The following PCDHGB2 variants were observed in gnomAD, a reference collection of about 807,000 sequenced individuals.
PCDHGB2 encodes protocadherin gamma subfamily B, 2, also known as protocadherin gamma-B2.
Under a neutral mutation model 59.3 loss-of-function variants are expected in PCDHGB2, and 55 were observed. The observed-to-expected ratio is 0.93, with a 90% confidence interval of 0.75 to 1.16. The LOEUF (loss-of-function observed/expected upper bound fraction) is 1.16, where lower values mean the gene tolerates loss of function less well. PCDHGB2 is among the 50% of genes most tolerant of loss of function. The probability of loss-of-function intolerance (pLI) is 0.00; values close to 1 mark genes in which losing one functional copy is unlikely to be tolerated. For synonymous variants in PCDHGB2, 516 were observed against 512.0 expected (o/e 1.01, Z -0.11); for missense variants, 1,228 against 1,198.5 (o/e 1.02, Z -0.36).
intron 1 of PCDHGB2, among the ~76,000 whole-genome samples, chr5:141,452,137 G>A (rs2154563838): frequency 6.6e-6 from 1 of 152,162 alleles, no homozygotes; most frequent in East Asian, 1.9e-4. Flanking sequence ...TGGCTCATGT[G>A]TTTTTTCCAA....
chr5:141,494,899 C>T, intron 2 of PCDHGB2, 34 bp downstream of exon 2: 1 of 1,614,116 alleles, frequency 6.2e-7, no homozygotes, highest in Non-Finnish European at 8.5e-7. Context: ...ACCCTCTTCT[C>T]TGCGGCATTT....
rs1287277950 is a variant in PCDHGB2 at position 141,384,488 on chromosome 5, T to C, written c.2421+21932T>C. The C allele has an allele frequency of 2.5e-6, 4 of 1,614,104 alleles. No individual in the cohort carries two copies. In the East Asian group the frequency reaches 8.9e-5, roughly 36 times the overall value. The stretch of plus-strand genomic sequence containing the variant: ...TATGAGCAGTTGAGAGAACTACAAC[T>C]AAGAGTGACTGCACATGACAGCGGG... On this transcript the variant is annotated intron_variant, in intron 1 of 3. Transcript: ENST00000522605.
Position 141,360,342 on chromosome 5 carries a change from C to A in PCDHGB2, c.207C>A (p.Ser69Arg). 1 of 1,613,836 alleles carries A rather than the reference C, an allele frequency of 6.2e-7. No individual in the cohort carries two copies. The change falls in exon 1 of 4, where the codon AGC (serine) becomes AGA (arginine). Residue 69 changes from serine (S) to arginine (R), a missense_variant. Around this residue, in one of 3 missense-constraint regions of PCDHGB2, gnomAD observed 781 missense variants for 721.6 expected, o/e 1.08. Coordinates refer to ENST00000522605, the MANE Select transcript of PCDHGB2 (RefSeq NM_018923.3). ...RDLPARKLRV[S>R]AEKEYFTVNP... ...TGCCAGCCCGGAAGCTGCGGGTTAG[C>A]GCGGAGAAGGAATATTTCACAGTAA...
chr5:141,492,720 A>G (rs1161942205), intron 1 of PCDHGB2, among the ~76,000 whole-genome samples: 1 of 152,256 alleles, frequency 6.6e-6, no homozygotes, highest in East Asian at 1.9e-4. Context: ...GCAGGCGGAC[A>G]GGCAGAGCTG....
intron 1 of PCDHGB2, chr5:141,389,259 G>C (rs374136353): frequency 6.2e-7 from 1 of 1,613,888 alleles, no homozygotes; most frequent in Non-Finnish European, 8.5e-7. Flanking sequence ...TATAGTCCAC[G>C]TGGCCGAGAA....
chr5:141,504,209 C>T (rs1305672612), intron 2 of PCDHGB2, among the ~76,000 whole-genome samples: 1 of 152,180 alleles, frequency 6.6e-6, no homozygotes, highest in Non-Finnish European at 1.5e-5. Flanking sequence ...TGGGAAAATT[C>T]CAAGTAGAGC....
At position 141,365,079 on chromosome 5, in the gene PCDHGB2, G is replaced by A. The variant is rs748153099; in HGVS notation, c.2421+2523G>A. 1.9e-5 allele frequency: 31 copies of A among 1,613,864 alleles called. No homozygotes were observed. The South Asian group carries it at 3.4e-4, about 18-fold the overall frequency. On this transcript the variant is annotated intron_variant, in intron 1 of 3. Coordinates refer to ENST00000522605, the MANE Select transcript of PCDHGB2 (RefSeq NM_018923.3). ...TTCACCCCATCCGAGTACAGCGTGAGTGTTCCAGAGAACATACCTGTGGGC... is the reference window on the plus strand; with the variant it reads ...TTCACCCCATCCGAGTACAGCGTGAATGTTCCAGAGAACATACCTGTGGGC...
chr5:141,446,988 C>T (rs548721486), intron 1 of PCDHGB2, among the ~76,000 whole-genome samples: 1 of 152,154 alleles, frequency 6.6e-6, no homozygotes, highest in Non-Finnish European at 1.5e-5. Flanking sequence ...TCATACTCCA[C>T]TCTTCAGACT....
At chr5:141,374,010 T>A in intron 1 of PCDHGB2, 1 of 1,364,772 alleles carries the variant, frequency 7.3e-7, no homozygotes, top group Non-Finnish European at 9.6e-7. Flanking sequence ...CACCGCTATT[T>A]CTGAGAAGAG....
chr5:141,404,973 A>T, intron 1 of PCDHGB2: 1 of 1,613,952 alleles, frequency 6.2e-7, no homozygotes, highest in South Asian at 1.1e-5. Flanking sequence ...ATCCTGGCTG[A>T]CCTGGGCAGT....
At chr5:141,414,733 G>A (rs768741206) in intron 1 of PCDHGB2, 2 of 1,614,174 alleles carry the variant, frequency 1.2e-6, no homozygotes. Flanking sequence ...CGTCCTGTAT[G>A]CACTCAGATC....
rs376494807 is a variant in PCDHGB2 at position 141,491,836 on chromosome 5, G to A, written c.2422-2971G>A. 4.2e-5 allele frequency: 62 copies of A among 1,472,880 alleles called. No homozygotes were observed. The highest frequency in any genetic ancestry group is 3.6e-4 in the Middle Eastern group (2 of 5,606). 91.2% of individuals were successfully genotyped at this position (1,472,880 alleles called of 1,614,324 possible). A position where few individuals can be genotyped will look rare whatever the true frequency, so the allele number is the denominator to read the frequency against. On this transcript the variant is annotated intron_variant, in intron 1 of 3. Coordinates refer to ENST00000522605, the MANE Select transcript of PCDHGB2 (RefSeq NM_018923.3). This position sits in a 1 kb window ranked among gnomAD's most constrained non-coding sequence, Gnocchi z 6.9. ...CTGGCTGCGCTCCACCCGATTCTCG[G>A]GATCATTGGACCGTTTGCGCGAAAC...
At chr5:141,433,253 G>C (rs1288721469) in intron 1 of PCDHGB2, 1 of 1,416,466 alleles carries the variant, frequency 7.1e-7, no homozygotes, top group East Asian at 2.3e-5. Flanking sequence ...GAATGCAGCG[G>C]TACGATCATA....
At position 141,407,205 on chromosome 5, in the gene PCDHGB2, C is replaced by T. The variant is rs146299905; in HGVS notation, c.2421+44649C>T. 1.4e-3 allele frequency among the ~76,000 whole-genome samples: 213 copies of T among 152,308 alleles called. 1 individual carries two copies. Among genetic ancestry groups the T allele is most frequent in the African/African-American group, 4.8e-3 (199 of 41,572 alleles). On this transcript the variant is annotated intron_variant, in intron 1 of 3. Coordinates refer to ENST00000522605, the MANE Select transcript of PCDHGB2 (RefSeq NM_018923.3). ...ATTTTAATTATTTCAAACACGTTTTCCCCCTTAAGTGGGTAGCAAAAAAAA... is the reference window on the plus strand; with the variant it reads ...ATTTTAATTATTTCAAACACGTTTTTCCCCTTAAGTGGGTAGCAAAAAAAA...
intron 1 of PCDHGB2, among the ~76,000 whole-genome samples, chr5:141,462,086 A>C (rs993185274): frequency 6.6e-6 from 1 of 151,410 alleles, no homozygotes; most frequent in Non-Finnish European, 1.5e-5. Flanking sequence ...GCCTCCCAAA[A>C]TGCTGGGATT....
At chr5:141,366,940 C>G in intron 1 of PCDHGB2, 1 of 819,904 alleles carries the variant, frequency 1.2e-6, no homozygotes, top group East Asian at 2.8e-5. Context: ...GGAAGTCTAG[C>G]TGATATCTGT....
At chr5:141,393,028 C>T in intron 1 of PCDHGB2, 6 of 1,613,768 alleles carry the variant, frequency 3.7e-6, no homozygotes, top group Non-Finnish European at 5.1e-6. Context: ...AGAGGTAGGA[C>T]GCAGCTCTTT....
Position 141,432,014 on chromosome 5 carries a change from AACATC to A in PCDHGB2, c.2422-62789_2422-62785del. ...GGATAGGGAACAGGTTCCTAGCTAC[AACATC>A]ACAGTGACCGCCACTGACCGGGGAA... On this transcript the variant is annotated intron_variant, in intron 1 of 3. Transcript: ENST00000522605. This position sits in a 1 kb window ranked among gnomAD's most constrained non-coding sequence, Gnocchi z 6.0. 6.2e-7 allele frequency: 1 copy of A among 1,614,078 alleles called. No individual in the cohort carries two copies. The highest frequency in any genetic ancestry group is 8.5e-7 in the Non-Finnish European group (1 of 1,180,036).
chr5:141,390,340 A>T (rs762864171), intron 1 of PCDHGB2: 2 of 1,586,842 alleles, frequency 1.3e-6, no homozygotes, highest in South Asian at 2.3e-5. Context: ...CCATATTCAC[A>T]AGAAAATATA....
Sources: allele counts gnomAD v4.1 joint callset (sites outside exome capture counted in the v4.1 genomes callset), GRCh38; gene constraint gnomAD v4.1.1; regional missense constraint gnomAD v4.1.1; non-coding constraint Gnocchi (gnomAD v3.1); transcripts MANE v1.5; gene names NCBI Gene and HGNC (gene_info 2026-07-23, HGNC 2026-07-21).